The following GRM8 variants were observed in gnomAD, a reference collection of about 807,000 sequenced individuals.
The protein encoded by GRM8 is glutamate metabotropic receptor 8.
Under a neutral mutation model 87.2 loss-of-function variants are expected in GRM8, and 47 were observed. The observed-to-expected ratio is 0.54, with a 90% CI of 0.43 to 0.69. GRM8 has a LOEUF of 0.69. Ranked by LOEUF, GRM8 falls within the 30% of genes least tolerant of loss-of-function variation. The probability of loss-of-function intolerance (pLI) is 0.00; values close to 1 mark genes in which losing one functional copy is unlikely to be tolerated. For synonymous variants in GRM8, 396 were observed against 404.5 expected (o/e 0.98, Z 0.25); for missense variants, 1,019 against 1,139.2 (o/e 0.89, Z 1.52).
intron 3 of GRM8, among the ~76,000 whole-genome samples, chr7:127,062,344 C>A (rs916308079): frequency 1.3e-5 from 2 of 151,946 alleles, no homozygotes; most frequent in African/African-American, 4.8e-5. Flanking sequence ...ACACAGCATG[C>A]AATAGGGAGT....
At chr7:126,823,275 G>A (rs1287144082) in intron 6 of GRM8, among the ~76,000 whole-genome samples, 1 of 152,168 alleles carries the variant, frequency 6.6e-6, no homozygotes, top group Non-Finnish European at 1.5e-5. Flanking sequence ...AATTGTATGG[G>A]TAAAATTTAG....
intron 2 of GRM8, among the ~76,000 whole-genome samples, chr7:127,139,576 T>G (rs1828143530): frequency 6.6e-6 from 1 of 152,136 alleles, no homozygotes; most frequent in South Asian, 2.1e-4. Context: ...AGCTTTGGAA[T>G]CAGTTGCTTT....
chr7:126,559,500 G>A lies in GRM8; in HGVS notation c.1495-25613C>T, dbSNP rs180823218. Among the ~76,000 whole-genome samples, 4 of 152,242 alleles carry A rather than the reference G, an allele frequency of 2.6e-5. No homozygotes were observed. The East Asian group carries it at 5.8e-4, about 22-fold the overall frequency. On this transcript the variant is annotated intron_variant, in intron 8 of 10. Transcript: ENST00000339582. ...CTACTGGTAATTTTGACACTAGTTG[G>A]TAAGCTGTTAGCGCTCTCCAACTTT...
chr7:126,573,231 C>A (rs1362834628), intron 8 of GRM8, among the ~76,000 whole-genome samples: 2 of 151,936 alleles, frequency 1.3e-5, no homozygotes, highest in East Asian at 1.9e-4. Context: ...AACCCAGGAA[C>A]AAAGAAAAAG....
intron 9 of GRM8, among the ~76,000 whole-genome samples, chr7:126,501,773 T>C (rs891369958): frequency 1.3e-5 from 2 of 151,874 alleles, no homozygotes; most frequent in Non-Finnish European, 2.9e-5. Context: ...TAACTATCAA[T>C]GAAGGCTGCT....
At chr7:126,629,167 C>A (rs376784344) in intron 7 of GRM8, among the ~76,000 whole-genome samples, 106 of 152,268 alleles carry the variant, frequency 7.0e-4, no homozygotes, top group African/African-American at 2.4e-3. Flanking sequence ...TGAACCCAGA[C>A]AAAATAGGTC....
At chr7:126,803,332 C>T (rs1161140632) in intron 6 of GRM8, among the ~76,000 whole-genome samples, 1 of 152,186 alleles carries the variant, frequency 6.6e-6, no homozygotes, top group Non-Finnish European at 1.5e-5. Context: ...TCCATGGATA[C>T]TCTCCCTAAG....
chr7:126,974,979 A>G (rs535998408), intron 3 of GRM8, among the ~76,000 whole-genome samples: 2 of 145,956 alleles, frequency 1.4e-5, no homozygotes, highest in African/African-American at 5.0e-5. Context: ...CCACTAACTT[A>G]GTCAATGTGA....
chr7:126,676,057 T>G (rs1000706169), intron 7 of GRM8, among the ~76,000 whole-genome samples: 1 of 152,166 alleles, frequency 6.6e-6, no homozygotes, highest in Non-Finnish European at 1.5e-5. Flanking sequence ...ATAAAACCAA[T>G]GTACACAAAT....
intron 9 of GRM8, among the ~76,000 whole-genome samples, chr7:126,485,093 TATC>T (rs886438419): frequency 5.9e-5 from 9 of 152,072 alleles, no homozygotes; most frequent in Admixed American, 2.0e-4. Flanking sequence ...AAGCATTTAT[TATC>T]ATTGATTATG....
intron 9 of GRM8, among the ~76,000 whole-genome samples, chr7:126,471,434 T>G (rs1254948932): frequency 1.3e-5 from 2 of 151,972 alleles, no homozygotes; most frequent in Middle Eastern, 3.4e-3. Context: ...CCAGCACCAT[T>G]TATTAAATAG....
At chr7:126,931,849 T>C (rs2131447780) in intron 3 of GRM8, among the ~76,000 whole-genome samples, 1 of 152,322 alleles carries the variant, frequency 6.6e-6, no homozygotes, top group Non-Finnish European at 1.5e-5. Flanking sequence ...CTGATGTGTA[T>C]AATAAATTAC....
At chr7:126,930,249 G>C (rs1805619317) in intron 3 of GRM8, among the ~76,000 whole-genome samples, 1 of 152,156 alleles carries the variant, frequency 6.6e-6, no homozygotes, top group African/African-American at 2.4e-5. Flanking sequence ...TAACTTCTCT[G>C]TGCCTGTTTT....
At chr7:126,834,727 A>G (rs188097738) in intron 6 of GRM8, among the ~76,000 whole-genome samples, 53 of 152,354 alleles carry the variant, frequency 3.5e-4, no homozygotes, top group Admixed American at 3.2e-3. Context: ...CAACAGCTTC[A>G]AAGTGTTTTG....
chr7:126,663,851 T>C (rs1401549974), intron 7 of GRM8, among the ~76,000 whole-genome samples: 2 of 152,070 alleles, frequency 1.3e-5, no homozygotes, highest in African/African-American at 4.8e-5. Flanking sequence ...ATCATCAAAT[T>C]ATCTCTCTTC....
chr7:126,808,112 A>G (rs773027209), intron 6 of GRM8, among the ~76,000 whole-genome samples: 55 of 152,202 alleles, frequency 3.6e-4, no homozygotes, highest in Non-Finnish European at 6.8e-4. Flanking sequence ...ATATTTGTCA[A>G]TGGATTACAT....
At position 126,770,665 on chromosome 7, in the gene GRM8, T is replaced by A. The variant is rs931281615; in HGVS notation, c.1157-600A>T. 3.3e-5 allele frequency among the ~76,000 whole-genome samples: 5 copies of A among 152,116 alleles called. No individual in the cohort carries two copies. In the East Asian group the frequency reaches 9.6e-4, roughly 29 times the overall value. ...AGATGTAGATACCTCAAAATGAATG[T>A]CATTCAGAATAAATGTACCTGTGTT... On this transcript the variant is annotated intron_variant, in intron 6 of 10. Coordinates refer to ENST00000339582, the MANE Select transcript of GRM8 (RefSeq NM_000845.3).
At chr7:126,520,021 A>T (rs1007639469) in intron 9 of GRM8, among the ~76,000 whole-genome samples, 1 of 152,056 alleles carries the variant, frequency 6.6e-6, no homozygotes, top group East Asian at 1.9e-4. Context: ...AGGAGGAAAT[A>T]AAATAGACAC....
At chr7:126,680,976 C>T (rs191349927) in intron 7 of GRM8, among the ~76,000 whole-genome samples, 1 of 152,176 alleles carries the variant, frequency 6.6e-6, no homozygotes, top group East Asian at 1.9e-4. Context: ...TGTGTGATTG[C>T]TTTAAACAAG....
Sources: gnomAD v4.1 joint callset for allele counts (sites outside exome capture counted in the v4.1 genomes callset) on GRCh38, gnomAD v4.1.1 for gene constraint, MANE v1.5 for transcripts, NCBI Gene and HGNC (gene_info 2026-07-23, HGNC 2026-07-21) for gene names.